CEP112: variants seen among roughly 807,000 people sequenced by gnomAD.
CEP112 encodes centrosomal protein of 112 kDa.
Under a neutral mutation model 153.0 loss-of-function variants are expected in CEP112, and 127 were observed. That is an observed-to-expected ratio of 0.83 (90% CI 0.72 to 0.96). The LOEUF is 0.96. CEP112 is among the 40% of genes least tolerant of loss of function. The pLI is 0.00. For missense variants in CEP112, 1,089 were observed against 1,101.2 expected (o/e 0.99, Z 0.16); for synonymous variants, 358 against 374.4 (o/e 0.96, Z 0.51).
At chr17:65,767,428 C>T (rs1400522594) in intron 21 of CEP112, among the ~76,000 whole-genome samples, 1 of 151,850 alleles carries the variant, frequency 6.6e-6, no homozygotes, top group Non-Finnish European at 1.5e-5. Context: ...CAAATGTCTA[C>T]ATTTAAAAAG....
At chr17:66,078,085 G>A (rs1156336404) in intron 8 of CEP112, among the ~76,000 whole-genome samples, 4 of 152,026 alleles carry the variant, frequency 2.6e-5, no homozygotes, top group Admixed American at 6.5e-5. Context: ...TCTCCTACAT[G>A]TGGCTAGCCA....
chr17:65,809,681 G>T (rs543311763), intron 21 of CEP112, among the ~76,000 whole-genome samples: 27 of 152,270 alleles, frequency 1.8e-4, no homozygotes, highest in African/African-American at 6.3e-4. Context: ...AATATTAAGT[G>T]CCAGACATCT....
intron 12 of CEP112, among the ~76,000 whole-genome samples, chr17:66,046,048 TTC>T (rs1312287959): frequency 6.6e-5 from 10 of 152,052 alleles, no homozygotes; most frequent in African/African-American, 1.7e-4. Flanking sequence ...TTTTTTCTTT[TTC>T]TTTTTTTTTT....
chr17:65,726,600 G>A (rs192642120), intron 23 of CEP112, among the ~76,000 whole-genome samples: 32 of 152,280 alleles, frequency 2.1e-4, no homozygotes, highest in East Asian at 5.8e-4. Flanking sequence ...AAGGAATAGT[G>A]AGAAACCTGG....
chr17:65,774,051 C>T (rs1408816528), intron 21 of CEP112, among the ~76,000 whole-genome samples: 1 of 150,414 alleles, frequency 6.6e-6, no homozygotes, highest in South Asian at 2.1e-4. Flanking sequence ...TGCACCACTG[C>T]ACTCCAGCCT....
chr17:65,679,725 T>C (rs2047419988), intron 24 of CEP112, among the ~76,000 whole-genome samples: 1 of 152,160 alleles, frequency 6.6e-6, no homozygotes, highest in Non-Finnish European at 1.5e-5. Flanking sequence ...ATGACTGAGG[T>C]GGTTTAAAGA....
At chr17:66,170,563 G>C (rs1055108687) in intron 4 of CEP112, among the ~76,000 whole-genome samples, 1 of 152,006 alleles carries the variant, frequency 6.6e-6, no homozygotes, top group Non-Finnish European at 1.5e-5. Context: ...TCAGGAATTC[G>C]AGACCAGCCT....
intron 21 of CEP112, among the ~76,000 whole-genome samples, chr17:65,833,062 C>A (rs1277772950): frequency 1.3e-5 from 2 of 152,136 alleles, no homozygotes; most frequent in Non-Finnish European, 2.9e-5. Flanking sequence ...CTACACAAAT[C>A]AATGAATGCA....
intron 4 of CEP112, among the ~76,000 whole-genome samples, chr17:66,143,199 T>C (rs1259744906): frequency 6.6e-6 from 1 of 152,210 alleles, no homozygotes; most frequent in Non-Finnish European, 1.5e-5. Flanking sequence ...CAGAGATATA[T>C]TCATATGTCC....
chr17:65,767,131 T>C (rs1252946166), intron 21 of CEP112, among the ~76,000 whole-genome samples: 1 of 152,164 alleles, frequency 6.6e-6, no homozygotes, highest in African/African-American at 2.4e-5. Flanking sequence ...ACAGACTACA[T>C]GGTGGGCCAT....
chr17:65,996,925 C>T (rs2063812255), intron 17 of CEP112, among the ~76,000 whole-genome samples: 1 of 152,100 alleles, frequency 6.6e-6, no homozygotes, highest in Non-Finnish European at 1.5e-5. Flanking sequence ...TTAAAAAATC[C>T]TGGATGGGCA....
rs548932441 is a variant in CEP112, at chr17:65,837,510, TGAG to T, written c.2394+14291_2394+14293del. Among the ~76,000 whole-genome samples, 476 of 150,860 alleles carry T rather than the reference TGAG, an allele frequency of 3.2e-3. 3 individuals are homozygous for T. Among genetic ancestry groups the T allele is most frequent in the African/African-American group, 0.011 (452 of 40,902 alleles). ...CCCCGCTGCCACCCCGTCTGGGAGG[TGAG>T]GAGCGTCTCTGACCAGCCACCCTGT... On this transcript the variant is annotated intron_variant, in intron 21 of 26. Coordinates refer to ENST00000535342, the MANE Select transcript of CEP112 (RefSeq NM_001199165.4).
At chr17:65,800,104 C>T (rs914887303) in intron 21 of CEP112, among the ~76,000 whole-genome samples, 1 of 152,130 alleles carries the variant, frequency 6.6e-6, no homozygotes, top group Admixed American at 6.6e-5. Context: ...TCTTCCATAG[C>T]CATCTCTTTA....
intron 20 of CEP112, chr17:65,873,039 TCCAG>T (rs2058714262): frequency 6.6e-6 from 1 of 152,134 alleles, no homozygotes; most frequent in Non-Finnish European, 1.5e-5. Context: ...ACCTAAAAGG[TCCAG>T]AAACTCCTTT....
chr17:66,172,305 CA>C (rs2072278657), intron 4 of CEP112, among the ~76,000 whole-genome samples: 1 of 152,146 alleles, frequency 6.6e-6, no homozygotes, highest in Admixed American at 6.5e-5. Context: ...GGGATGAAGG[CA>C]GCAAAGAAAC....
chr17:65,881,298 T>C (rs1206853250), intron 20 of CEP112, among the ~76,000 whole-genome samples: 2 of 152,150 alleles, frequency 1.3e-5, no homozygotes, highest in Non-Finnish European at 2.9e-5. Flanking sequence ...GGAGGAATGC[T>C]ACTTTTTTTT....
intron 23 of CEP112, among the ~76,000 whole-genome samples, chr17:65,704,103 A>G (rs1033924425): frequency 6.6e-6 from 1 of 152,044 alleles, no homozygotes; most frequent in Non-Finnish European, 1.5e-5. Flanking sequence ...AGAGACGCAC[A>G]GGAAGAGGTT....
chr17:65,848,429 A>T (rs569088517), intron 21 of CEP112, among the ~76,000 whole-genome samples: 368 of 152,236 alleles, frequency 2.4e-3, no homozygotes, highest in Non-Finnish European at 4.4e-3. Context: ...CTATTTCCAT[A>T]AAAATGCATT....
At chr17:66,118,045 C>T (rs1050161174) in intron 6 of CEP112, among the ~76,000 whole-genome samples, 1 of 152,070 alleles carries the variant, frequency 6.6e-6, no homozygotes, top group Non-Finnish European at 1.5e-5. Flanking sequence ...AAGGGGAGCC[C>T]CTAGACACTG....
Sources: gnomAD v4.1 joint callset for allele counts (sites outside exome capture counted in the v4.1 genomes callset) on GRCh38, gnomAD v4.1.1 for gene constraint, MANE v1.5 for transcripts, NCBI Gene and HGNC (gene_info 2026-07-23, HGNC 2026-07-21) for gene names.